The following CNTNAP5 variants were observed in gnomAD, a reference collection of about 807,000 sequenced individuals.
CNTNAP5 encodes contactin-associated protein-like 5.
A neutral mutation model predicts 150.2 loss-of-function variants in CNTNAP5; 72 were observed. The ratio of observed to expected loss-of-function variants is 0.48; its 90% CI spans 0.40 to 0.58. CNTNAP5 has a LOEUF of 0.58. Ranked by LOEUF, CNTNAP5 falls within the 20% of genes least tolerant of loss-of-function variation. The pLI, the probability that CNTNAP5 is intolerant of heterozygous loss-of-function variation, is 0.00. For synonymous variants in CNTNAP5, 672 were observed against 619.8 expected (o/e 1.08, Z -1.25); for missense variants, 1,636 against 1,626.2 (o/e 1.01, Z -0.10).
chr2:124,727,643 T>C (rs1462561590), intron 13 of CNTNAP5, among the ~76,000 whole-genome samples: 1 of 152,086 alleles, frequency 6.6e-6, no homozygotes, highest in Non-Finnish European at 1.5e-5. Context: ...GAAGCACTAC[T>C]AAATTGTAAA....
At chr2:124,448,340 A>G (rs899061160) in intron 6 of CNTNAP5, among the ~76,000 whole-genome samples, 12 of 151,904 alleles carry the variant, frequency 7.9e-5, no homozygotes, top group African/African-American at 2.9e-4. Flanking sequence ...AAGCTAATAC[A>G]TTCATTGATT....
chr2:124,096,161 C>T (rs1294187513), intron 1 of CNTNAP5, among the ~76,000 whole-genome samples: 15 of 152,198 alleles, frequency 9.9e-5, no homozygotes, highest in Admixed American at 9.8e-4. Flanking sequence ...CATGTAGCTC[C>T]AAACATTCCA....
At chr2:124,834,596 G>A (rs80282444) in intron 19 of CNTNAP5, among the ~76,000 whole-genome samples, 2,319 of 152,078 alleles carry the variant, frequency 0.015, 48 homozygotes, top group African/African-American at 0.054. Context: ...GGGCTGGTGT[G>A]GTGTGATCTG....
At chr2:124,239,432 A>G (rs1240378529) in intron 2 of CNTNAP5, among the ~76,000 whole-genome samples, 1 of 152,206 alleles carries the variant, frequency 6.6e-6, no homozygotes, top group Non-Finnish European at 1.5e-5. Flanking sequence ...TTTAAAAATA[A>G]TGATGGTCAC....
chr2:124,591,904 G>T (rs1320445280), intron 11 of CNTNAP5, among the ~76,000 whole-genome samples: 1 of 151,938 alleles, frequency 6.6e-6, no homozygotes, highest in Non-Finnish European at 1.5e-5. Context: ...TTATAAAAAT[G>T]CTGTTTTCTT....
chr2:124,865,916 C>T lies in CNTNAP5; in HGVS notation c.3348+480C>T, dbSNP rs146351619. On this transcript the variant is annotated intron_variant, in intron 20 of 23. Transcript: ENST00000682447. Reference sequence around the variant, plus strand: ...CAGAAATCACGCCATTGAACTCCAGCCTGGGAGACAGAGCAAGACTTCATT... The same window carrying T: ...CAGAAATCACGCCATTGAACTCCAGTCTGGGAGACAGAGCAAGACTTCATT... 1.0e-3 allele frequency among the ~76,000 whole-genome samples: 155 copies of T among 151,394 alleles called. 1 individual carries two copies. Among genetic ancestry groups the T allele is most frequent in the African/African-American group, 3.5e-3 (146 of 41,222 alleles).
At chr2:124,208,610 G>A (rs773840505) in intron 1 of CNTNAP5, among the ~76,000 whole-genome samples, 83 of 152,222 alleles carry the variant, frequency 5.5e-4, no homozygotes, top group Admixed American at 1.8e-3. Context: ...CATCCATCAT[G>A]GATCAAAGAG....
chr2:124,722,974 T>A (rs894410663), intron 13 of CNTNAP5, among the ~76,000 whole-genome samples: 3 of 152,184 alleles, frequency 2.0e-5, no homozygotes, highest in Non-Finnish European at 4.4e-5. Context: ...CATAGCTTCC[T>A]GGGAGGTGGC....
At chr2:124,457,284 A>G (rs1054458373) in intron 6 of CNTNAP5, among the ~76,000 whole-genome samples, 33 of 152,162 alleles carry the variant, frequency 2.2e-4, no homozygotes, top group Non-Finnish European at 4.0e-4. Context: ...TGTAATTAAA[A>G]CAAAGATAAA....
chr2:124,159,351 G>A lies in CNTNAP5; in HGVS notation c.83-62354G>A, dbSNP rs551677033. On this transcript the variant is annotated intron_variant, in intron 1 of 23. Coordinates refer to ENST00000682447, the MANE Select transcript of CNTNAP5 (RefSeq NM_001367498.1). Reference sequence around the variant, plus strand: ...TTTCTGGCTTTGCAAGCCATATGGTGTCTGTCACAACTGCTCAACTCTGTT... The same window carrying A: ...TTTCTGGCTTTGCAAGCCATATGGTATCTGTCACAACTGCTCAACTCTGTT... Among the ~76,000 whole-genome samples, 3 of 152,278 alleles carry A rather than the reference G, an allele frequency of 2.0e-5. No homozygotes were observed. The South Asian group carries it at 6.2e-4, about 32-fold the overall frequency.
intron 22 of CNTNAP5, 147 bp downstream of exon 22, chr2:124,903,247 T>A (rs1678452171): frequency 1.9e-6 from 1 of 538,366 alleles, no homozygotes; most frequent in South Asian, 3.2e-5. Flanking sequence ...GACTGATATT[T>A]CATGGGTGAT....
At chr2:124,913,956 G>A (rs1678708006) in intron 23 of CNTNAP5, 136 bp from the exon 24 acceptor site, 2 of 591,452 alleles carry the variant, frequency 3.4e-6, no homozygotes, top group Non-Finnish European at 3.0e-6. Flanking sequence ...CTGGGCAGGT[G>A]GCAGAGTTGC....
At chr2:124,791,463 T>G (rs2104634128) in intron 18 of CNTNAP5, among the ~76,000 whole-genome samples, 1 of 152,256 alleles carries the variant, frequency 6.6e-6, no homozygotes, top group South Asian at 2.1e-4. Flanking sequence ...TCTGAACAAC[T>G]TCCCCTGAGA....
intron 3 of CNTNAP5, among the ~76,000 whole-genome samples, chr2:124,264,245 T>C (rs1024134020): frequency 1.3e-5 from 2 of 152,138 alleles, no homozygotes; most frequent in African/African-American, 4.8e-5. Flanking sequence ...AAATGTTTGA[T>C]ACTATTTTTA....
chr2:124,371,011 T>A (rs1247792025), intron 3 of CNTNAP5, among the ~76,000 whole-genome samples: 2 of 152,132 alleles, frequency 1.3e-5, no homozygotes, highest in African/African-American at 4.8e-5. Flanking sequence ...ACTGGAAAGC[T>A]TAGCGGAGAC....
At chr2:124,124,396 A>T (rs1683637010) in intron 1 of CNTNAP5, among the ~76,000 whole-genome samples, 1 of 152,216 alleles carries the variant, frequency 6.6e-6, no homozygotes, top group Admixed American at 6.5e-5. Flanking sequence ...AAAGCCTCCA[A>T]GAAATATGGG....
chr2:124,910,165 C>T (rs1186075811), intron 22 of CNTNAP5, among the ~76,000 whole-genome samples: 3 of 151,944 alleles, frequency 2.0e-5, no homozygotes, highest in Non-Finnish European at 2.9e-5. Flanking sequence ...ACAATAAATA[C>T]TTACCAAACA....
intron 6 of CNTNAP5, among the ~76,000 whole-genome samples, chr2:124,455,720 A>G (rs980278348): frequency 4.6e-5 from 7 of 152,196 alleles, no homozygotes; most frequent in Admixed American, 1.3e-4. Flanking sequence ...ATCCACCATG[A>G]TCAAGTGGGA....
rs1479631328 is a variant in CNTNAP5, at chr2:124,914,218, A to G, written c.3854A>G (p.Asp1285Gly). The G allele has an allele frequency of 5.0e-6, 8 of 1,612,458 alleles. No homozygotes were observed. The highest frequency in any genetic ancestry group is 3.3e-5 in the Admixed American group (2 of 59,870). Residue 1285 changes from aspartate (D) to glycine (G), a missense_variant, in exon 24 of 24, where the codon GAC becomes GGC. Asp to Gly is a moderately conservative substitution (Grantham distance 94). Transcript: ENST00000682447. ...GAGAAGGAATATCCAGAAAATTTGG[A>G]CAGTTCCTTCAGAAATGAAATTGAC... ...MKEKEYPENL[D>G]SSFRNEIDLQ...
Sources: gnomAD v4.1 joint callset for allele counts (sites outside exome capture counted in the v4.1 genomes callset) on GRCh38, gnomAD v4.1.1 for gene constraint, MANE v1.5 for transcripts, NCBI Gene and HGNC (gene_info 2026-07-23, HGNC 2026-07-21) for gene names.